HIF1A: variants seen among roughly 807,000 people sequenced by gnomAD.
HIF1A encodes the protein hypoxia inducible factor 1 subunit alpha, also known as hypoxia-inducible factor 1-alpha.
In HIF1A, 24 loss-of-function variants were observed where a neutral mutation model predicts 92.7. The observed-to-expected ratio is 0.26, with a 90% CI of 0.19 to 0.36. The LOEUF (loss-of-function observed/expected upper bound fraction) is 0.36, where lower values mean the gene tolerates loss of function less well. Among genes scored for constraint, HIF1A ranks in the 10% least tolerant of loss-of-function variants. The pLI, the probability that HIF1A is intolerant of heterozygous loss-of-function variation, is 1.00. For synonymous variants in HIF1A, 319 were observed against 338.7 expected (o/e 0.94, Z 0.64); for missense variants, 799 against 998.5 (o/e 0.80, Z 2.69).
intron 1 of HIF1A, among the ~76,000 whole-genome samples, chr14:61,701,452 T>C (rs949733195): frequency 6.6e-6 from 1 of 152,140 alleles, no homozygotes; most frequent in Admixed American, 6.5e-5. Context: ...TCCCCCGTGT[T>C]TCCCCCTTTT....
intron 10 of HIF1A, among the ~76,000 whole-genome samples, 168 bp downstream of exon 10, chr14:61,738,541 C>T (rs889611514): frequency 6.6e-6 from 1 of 152,148 alleles, no homozygotes; most frequent in Non-Finnish European, 1.5e-5. Flanking sequence ...TAACCTAGAC[C>T]TGAGCACATG....
At chr14:61,707,991 T>C (rs545421776) in intron 1 of HIF1A, among the ~76,000 whole-genome samples, 2,133 of 151,682 alleles carry the variant, frequency 0.014, 44 homozygotes, top group African/African-American at 0.049. Context: ...TTTTTAATGA[T>C]CGCCATTCTA....
intron 9 of HIF1A, among the ~76,000 whole-genome samples, chr14:61,737,458 A>T (rs976771015): frequency 3.3e-5 from 5 of 152,242 alleles, no homozygotes; most frequent in Non-Finnish European, 7.3e-5. Flanking sequence ...AGGATAAAAA[A>T]GTAGTCATAC....
At chr14:61,706,572 T>C (rs1461823485) in intron 1 of HIF1A, among the ~76,000 whole-genome samples, 1 of 152,172 alleles carries the variant, frequency 6.6e-6, no homozygotes, top group Non-Finnish European at 1.5e-5. Flanking sequence ...TAAAAATAAA[T>C]TATTCTCGTT....
intron 1 of HIF1A, among the ~76,000 whole-genome samples, chr14:61,704,453 G>A (rs966518329): frequency 1.3e-5 from 2 of 152,076 alleles, no homozygotes; most frequent in African/African-American, 4.8e-5. Flanking sequence ...TGTTCTCAAA[G>A]CTATTTATTT....
chr14:61,708,286 G>C (rs1428593380), intron 1 of HIF1A, among the ~76,000 whole-genome samples: 2 of 152,132 alleles, frequency 1.3e-5, no homozygotes. Context: ...TTCTTTTGCT[G>C]TGCAGAAGCT....
At chr14:61,725,906 G>A (rs969527919) in intron 4 of HIF1A, among the ~76,000 whole-genome samples, 3 of 150,814 alleles carry the variant, frequency 2.0e-5, no homozygotes, top group Admixed American at 6.6e-5. Context: ...TGCAACCTCT[G>A]CCTCCCACGT....
At chr14:61,701,200 G>GT (rs1416570774) in intron 1 of HIF1A, among the ~76,000 whole-genome samples, 11 of 152,244 alleles carry the variant, frequency 7.2e-5, no homozygotes, top group African/African-American at 2.6e-4. Context: ...GATCTCAACT[G>GT]TTATTTATGA....
chr14:61,698,118 G>C (rs1324375851), intron 1 of HIF1A, among the ~76,000 whole-genome samples: 1 of 152,208 alleles, frequency 6.6e-6, no homozygotes, highest in African/African-American at 2.4e-5. Flanking sequence ...CTCCTTCAGA[G>C]TTTTCCAAAA....
chr14:61,731,108 A>C (rs1035121056), intron 6 of HIF1A, among the ~76,000 whole-genome samples: 1 of 151,902 alleles, frequency 6.6e-6, no homozygotes, highest in African/African-American at 2.4e-5. Context: ...AACACAAGCA[A>C]TGTTACTTTT....
chr14:61,737,681 T>C (rs553883696), intron 9 of HIF1A, among the ~76,000 whole-genome samples: 8 of 152,368 alleles, frequency 5.3e-5, no homozygotes, highest in African/African-American at 1.7e-4. Context: ...ATTTTGTTGT[T>C]TGATGAATTA....
At chr14:61,731,776 TTTC>T (rs1271705262) in intron 6 of HIF1A, among the ~76,000 whole-genome samples, 1 of 152,244 alleles carries the variant, frequency 6.6e-6, no homozygotes, top group Non-Finnish European at 1.5e-5. Flanking sequence ...TTTAGTAGTA[TTTC>T]TTATCTGTTT....
intron 1 of HIF1A, among the ~76,000 whole-genome samples, chr14:61,716,600 T>C (rs988053923): frequency 2.0e-5 from 3 of 151,478 alleles, no homozygotes; most frequent in Non-Finnish European, 4.4e-5. Flanking sequence ...TGTCCTTTTA[T>C]TTTTTTTTAA....
chr14:61,709,089 G>T (rs1041737164), intron 1 of HIF1A, among the ~76,000 whole-genome samples: 7 of 151,970 alleles, frequency 4.6e-5, no homozygotes, highest in African/African-American at 1.7e-4. Context: ...TAGAGACGGG[G>T]TTTCTCCATG....
chr14:61,707,867 C>T (rs2044259320), intron 1 of HIF1A, among the ~76,000 whole-genome samples: 1 of 151,736 alleles, frequency 6.6e-6, no homozygotes, highest in African/African-American at 2.4e-5. Context: ...TTCTAGATCC[C>T]TGAGGAATCG....
Position 61,745,681 on chromosome 14 carries a change from C to T in HIF1A, c.2203-10C>T, listed in dbSNP as rs1415856089. On this transcript the variant is annotated splice_polypyrimidine_tract_variant and intron_variant, in intron 13 of 14. Transcript: ENST00000337138. Reference sequence around the variant, plus strand: ...ACAAACTAAACTTGAAATAACTTTACTGTTTATAGGGAACATTATTACAGC... The same window carrying T: ...ACAAACTAAACTTGAAATAACTTTATTGTTTATAGGGAACATTATTACAGC... 6.2e-7 allele frequency: 1 copy of T among 1,600,408 alleles called. No homozygotes were observed. The highest frequency in any genetic ancestry group is 8.5e-7 in the Non-Finnish European group (1 of 1,175,152).
chr14:61,705,306 G>A (rs2044226891), intron 1 of HIF1A, among the ~76,000 whole-genome samples: 1 of 152,122 alleles, frequency 6.6e-6, no homozygotes, highest in Non-Finnish European at 1.5e-5. Context: ...GAACTATGGA[G>A]AGATCATTTA....
intron 1 of HIF1A, among the ~76,000 whole-genome samples, chr14:61,708,646 C>G (rs1159971457): frequency 6.6e-6 from 1 of 152,040 alleles, no homozygotes; most frequent in African/African-American, 2.4e-5. Context: ...GGGCTCTGTT[C>G]TGTTCCATTG....
intron 1 of HIF1A, among the ~76,000 whole-genome samples, chr14:61,702,394 C>A (rs1025621711): frequency 2.0e-5 from 3 of 148,794 alleles, no homozygotes; most frequent in African/African-American, 7.4e-5. Context: ...GAGCCAAGAT[C>A]GCGCCACTGC....
Sources: allele counts gnomAD v4.1 joint callset (sites outside exome capture counted in the v4.1 genomes callset), GRCh38; gene constraint gnomAD v4.1.1; transcripts MANE v1.5; gene names NCBI Gene and HGNC (gene_info 2026-07-23, HGNC 2026-07-21).